Variants in THAP9 observed in about 807,000 individuals in gnomAD.
THAP9 encodes the protein THAP domain containing 9, also known as DNA transposase THAP9.
A neutral mutation model predicts 35.7 loss-of-function variants in THAP9; 20 were observed. That is an observed-to-expected ratio of 0.56 (90% CI 0.39 to 0.81). The LOEUF is 0.81. Among genes scored for constraint, THAP9 ranks in the 40% least tolerant of loss-of-function variants. The pLI, the probability that THAP9 is intolerant of heterozygous loss-of-function variation, is 0.00. For synonymous variants in THAP9, 335 were observed against 373.7 expected (o/e 0.90, Z 1.19); for missense variants, 870 against 1,047.4 (o/e 0.83, Z 2.34).
At chr4:82,908,613 G>A (rs1406571527) in intron 4 of THAP9, among the ~76,000 whole-genome samples, 1 of 152,160 alleles carries the variant, frequency 6.6e-6, no homozygotes, top group Non-Finnish European at 1.5e-5. Flanking sequence ...TTTGGAGACT[G>A]AGTCTTGCTT....
chr4:82,918,520 C>A lies in THAP9; in HGVS notation c.2308C>A (p.Arg770=). ...GCATTTTCCTTCAGAAAGTCTGTGT[C>A]GGGTCATAAATATTTGTGAGCGAGT... The part of the protein sequence containing the change: ...GLHFPSESLC[R]VINICERVVR... The change falls in exon 5 of 5, where the codon CGG becomes AGG. Residue 770 remains arginine, a synonymous_variant. Coordinates refer to ENST00000302236, the MANE Select transcript of THAP9 (RefSeq NM_024672.6). 1 of 1,614,088 alleles carries A rather than the reference C, an allele frequency of 6.2e-7. No individual in the cohort carries two copies.
intron 4 of THAP9, 31 bp downstream of exon 4, chr4:82,907,966 G>A: frequency 6.3e-7 from 1 of 1,597,878 alleles, no homozygotes; most frequent in Non-Finnish European, 8.5e-7. Context: ...TTTTTTAAAA[G>A]TGACTTTCTT....
chr4:82,911,017 G>T (rs1720847274), intron 4 of THAP9, among the ~76,000 whole-genome samples: 1 of 152,146 alleles, frequency 6.6e-6, no homozygotes, highest in African/African-American at 2.4e-5. Flanking sequence ...AGGGTCTGTA[G>T]GTAGAAAGGA....
Position 82,904,637 on chromosome 4 carries a change from A to T in THAP9, c.81-99A>T, listed in dbSNP as rs535624752. ...TTAATTCACTTGGCTTTATGTTTCT[A>T]TAAAGCAGTAAAATAATAGATGGGT... On this transcript the variant is annotated intron_variant, in intron 1 of 4. Transcript: ENST00000302236. The T allele has an allele frequency of 2.3e-4, 244 of 1,080,182 alleles. 3 individuals are homozygous for T. In the South Asian group the frequency reaches 4.1e-3, roughly 18 times the overall value. The allele number at this position is 1,080,182 out of a possible 1,614,324, so 66.9% of individuals were successfully genotyped here. A position where few individuals can be genotyped will look rare whatever the true frequency, so the allele number is the denominator to read the frequency against.
chr4:82,917,349 T>C lies in THAP9; in HGVS notation c.1137T>C (p.Ser379=), dbSNP rs368971737. The change falls in exon 5 of 5, where the codon AGT becomes AGC. Residue 379 remains serine (S), a synonymous_variant. Transcript: ENST00000302236. The part of the protein sequence containing the change: ...LAVTSDATAH[S]VQMAKALGIH... ...TTACATCTGATGCCACAGCACATAGTGTTCAGATGGCAAAAGCATTGGGGA... is the reference window on the plus strand; with the variant it reads ...TTACATCTGATGCCACAGCACATAGCGTTCAGATGGCAAAAGCATTGGGGA... 8.1e-6 allele frequency: 13 copies of C among 1,613,290 alleles called. No homozygotes were observed. Among genetic ancestry groups the C allele is most frequent in the Non-Finnish European group, 1.0e-5 (12 of 1,179,430 alleles).
At position 82,918,276 on chromosome 4, in the gene THAP9, C is replaced by T. The variant is rs150289561; in HGVS notation, c.2064C>T (p.His688=). ...YGVSVTKTVF[H]EEGICQDWSH... Reference sequence around the variant, plus strand: ...TCAGCGTTACAAAGACTGTCTTTCACGAAGAGGGTATTTGTCAAGACTGGT... The same window carrying T: ...TCAGCGTTACAAAGACTGTCTTTCATGAAGAGGGTATTTGTCAAGACTGGT... The change falls in exon 5 of 5, where the codon CAC becomes CAT. Residue 688 remains histidine (H), a synonymous_variant. Coordinates refer to ENST00000302236, the MANE Select transcript of THAP9 (RefSeq NM_024672.6). 1.9e-5 allele frequency: 30 copies of T among 1,614,096 alleles called. No homozygotes were observed. The highest frequency in any genetic ancestry group is 1.6e-4 in the East Asian group (7 of 44,882).
intron 4 of THAP9, among the ~76,000 whole-genome samples, chr4:82,909,208 A>G (rs1720774265): frequency 1.3e-5 from 2 of 152,140 alleles, no homozygotes; most frequent in Admixed American, 1.3e-4. Flanking sequence ...CCCAGCCCAG[A>G]TTCCTTTATA....
rs1455467799 is a variant in THAP9, at chr4:82,919,935, A to G, written c.*1011A>G. ...AATTGTAAAAGATTAATGATAACGT[A>G]AAAGTATATTGATTAAAATTCCCCT... On this transcript the variant is annotated 3_prime_UTR_variant, in exon 5 of 5. Transcript: ENST00000302236. 6.6e-6 allele frequency: 1 copy of G among 152,248 alleles called. No homozygotes were observed. The highest frequency in any genetic ancestry group is 6.5e-5 in the Admixed American group (1 of 15,288). 9.4% of individuals were successfully genotyped at this position (152,248 alleles called of 1,614,324 possible).
chr4:82,910,156 A>G (rs1720814273), intron 4 of THAP9: 1 of 152,106 alleles, frequency 6.6e-6, no homozygotes, highest in Admixed American at 6.6e-5. Context: ...GCGCACATTT[A>G]TCTTTTCTCT....
At chr4:82,910,514 C>T (rs1301243398) in intron 4 of THAP9, among the ~76,000 whole-genome samples, 6 of 149,522 alleles carry the variant, frequency 4.0e-5, no homozygotes, top group South Asian at 4.2e-4. Context: ...ATAGAGCCTC[C>T]GTTTATTTTC....
chr4:82,901,962 G>A (rs2126009829), intron 1 of THAP9, among the ~76,000 whole-genome samples: 1 of 152,154 alleles, frequency 6.6e-6, no homozygotes, highest in Admixed American at 6.5e-5. Flanking sequence ...GTAGAATTTT[G>A]TAAAACTAAA....
chr4:82,911,775 G>A (rs1490209753), intron 4 of THAP9, among the ~76,000 whole-genome samples: 2 of 152,160 alleles, frequency 1.3e-5, no homozygotes, highest in Non-Finnish European at 2.9e-5. Context: ...TGAGAGTTGA[G>A]GAGGAAGGCA....
intron 4 of THAP9, among the ~76,000 whole-genome samples, chr4:82,912,045 A>T (rs1028745869): frequency 6.6e-6 from 1 of 152,154 alleles, no homozygotes; most frequent in African/African-American, 2.4e-5. Context: ...GCTACATCAG[A>T]TATTTCTCTA....
chr4:82,912,842 TTTTCA>T (rs1278897836), intron 4 of THAP9, among the ~76,000 whole-genome samples: 2 of 152,182 alleles, frequency 1.3e-5, no homozygotes, highest in Non-Finnish European at 2.9e-5. Context: ...TTTGAGTTGG[TTTTCA>T]TTTAACTATA....
intron 4 of THAP9, 26 bp downstream of exon 4, chr4:82,907,961 T>C (rs1018975963): frequency 6.2e-7 from 1 of 1,601,284 alleles, no homozygotes; most frequent in Admixed American, 1.7e-5. Context: ...TTTTATTTTT[T>C]AAAAGTGACT....
Position 82,904,730 on chromosome 4 carries a change from T to C in THAP9, c.81-6T>C, listed in dbSNP as rs2126011658. The C allele has an allele frequency of 6.2e-7, 1 of 1,613,980 alleles. No homozygotes were observed. Among genetic ancestry groups the C allele is most frequent in the Non-Finnish European group, 8.5e-7 (1 of 1,179,882 alleles). On this transcript the variant is annotated splice_region_variant and splice_polypyrimidine_tract_variant and intron_variant, in intron 1 of 4. Coordinates refer to ENST00000302236, the MANE Select transcript of THAP9 (RefSeq NM_024672.6). The stretch of plus-strand genomic sequence containing the variant: ...TGTTAATGGAACTTTAATGTGATTG[T>C]CATAGATTTCCAACTGATACCATAC...
chr4:82,911,713 G>T (rs2126014833), intron 4 of THAP9, among the ~76,000 whole-genome samples: 1 of 152,326 alleles, frequency 6.6e-6, no homozygotes, highest in Middle Eastern at 3.4e-3. Flanking sequence ...ACCACACTCA[G>T]CAGGAAAATG....
intron 1 of THAP9, among the ~76,000 whole-genome samples, chr4:82,902,707 A>G (rs994345412): frequency 5.9e-5 from 9 of 152,236 alleles, no homozygotes; most frequent in Non-Finnish European, 1.0e-4. Flanking sequence ...CTTTATTGGA[A>G]AAAGAATTCC....
rs372184236 is a variant in THAP9 at position 82,918,154 on chromosome 4, C to G, written c.1942C>G (p.Gln648Glu). ...YYNLETRYKF[Q>E]DEVFLSKVSI... ...TAATTTGGAGACCAGATACAAATTT[C>G]AAGATGAAGTTTTTCTAAGCAAAGT... The change falls in exon 5 of 5, where the codon CAA (glutamine) becomes GAA (glutamate). Residue 648 changes from glutamine to glutamate, a missense_variant. Transcript: ENST00000302236. 1.2e-6 allele frequency: 2 copies of G among 1,614,028 alleles called. No individual in the cohort carries two copies. The highest frequency in any genetic ancestry group is 2.7e-5 in the African/African-American group (2 of 74,916).
Sources: gnomAD v4.1 joint callset for allele counts (sites outside exome capture counted in the v4.1 genomes callset) on GRCh38, gnomAD v4.1.1 for gene constraint, MANE v1.5 for transcripts, NCBI Gene and HGNC (gene_info 2026-07-23, HGNC 2026-07-21) for gene names.